Variants in ARHGEF12 observed in about 807,000 individuals in gnomAD.
ARHGEF12 encodes KMT2A/ARHGEF12 fusion protein.
ARHGEF12 carries 66 observed loss-of-function variants against 211.2 expected under a neutral mutation model. That is an observed-to-expected ratio of 0.31 (90% CI 0.26 to 0.38). The LOEUF (loss-of-function observed/expected upper bound fraction) is 0.38. ARHGEF12 is among the 10% of genes least tolerant of loss of function. ARHGEF12 has a pLI of 1.00. For missense variants in ARHGEF12, 1,429 were observed against 1,869.5 expected (o/e 0.76, Z 4.34); for synonymous variants, 592 against 638.4 (o/e 0.93, Z 1.09).
intron 1 of ARHGEF12, among the ~76,000 whole-genome samples, chr11:120,398,313 G>A (rs1287781013): frequency 6.6e-6 from 1 of 152,316 alleles, no homozygotes; most frequent in African/African-American, 2.4e-5. Context: ...CTGAGATGTT[G>A]TAAGAGGAAT....
chr11:120,472,438 T>C (rs897362401), intron 30 of ARHGEF12, among the ~76,000 whole-genome samples: 2 of 152,162 alleles, frequency 1.3e-5, no homozygotes, highest in African/African-American at 2.4e-5. Flanking sequence ...CTTTTTATTT[T>C]TTGCCTTATA....
intron 23 of ARHGEF12, 136 bp downstream of exon 23, chr11:120,457,386 A>G: frequency 9.7e-7 from 1 of 1,028,192 alleles, no homozygotes; most frequent in Non-Finnish European, 1.3e-6. Flanking sequence ...GCTACTTGGG[A>G]GGCTGAGGCA....
At chr11:120,455,439 T>C (rs1946333755) in intron 22 of ARHGEF12, among the ~76,000 whole-genome samples, 1 of 152,190 alleles carries the variant, frequency 6.6e-6, no homozygotes, top group Admixed American at 6.5e-5. Context: ...CCTTCAACTT[T>C]CTGAAGGAAA....
At chr11:120,441,335 C>T (rs1405900938) in intron 13 of ARHGEF12, among the ~76,000 whole-genome samples, 1 of 152,150 alleles carries the variant, frequency 6.6e-6, no homozygotes, top group Non-Finnish European at 1.5e-5. Context: ...ACCATTTCTG[C>T]AATTAGCCCA....
chr11:120,457,351 A>G (rs1233973212), intron 23 of ARHGEF12, 101 bp downstream of exon 23: 13 of 1,382,444 alleles, frequency 9.4e-6, no homozygotes, highest in South Asian at 5.7e-5. Flanking sequence ...GAAGCCTGGC[A>G]TGGTGGTATG....
intron 1 of ARHGEF12, among the ~76,000 whole-genome samples, chr11:120,369,899 T>C (rs1217028628): frequency 6.6e-6 from 1 of 152,192 alleles, no homozygotes; most frequent in Non-Finnish European, 1.5e-5. Context: ...GAGGCTCCCC[T>C]GGGTATTTTC....
chr11:120,367,352 C>CTTTTTTTTTTT (rs1458579899), intron 1 of ARHGEF12, among the ~76,000 whole-genome samples: 1 of 82,058 alleles, frequency 1.2e-5, no homozygotes, highest in Non-Finnish European at 2.2e-5. Flanking sequence ...GATACTTTTT[C>CTTTTTTTTTTT]CTTTTTTTTT....
At chr11:120,383,470 T>C (rs1343780153) in intron 1 of ARHGEF12, among the ~76,000 whole-genome samples, 1 of 152,184 alleles carries the variant, frequency 6.6e-6, no homozygotes, top group Non-Finnish European at 1.5e-5. Flanking sequence ...TAATGTAGAA[T>C]CAGTGGGAAC....
intron 1 of ARHGEF12, among the ~76,000 whole-genome samples, chr11:120,391,251 A>G (rs1454486089): frequency 2.0e-5 from 3 of 152,210 alleles, no homozygotes; most frequent in African/African-American, 2.4e-5. Flanking sequence ...TTCCTTATAT[A>G]CAAGTTCCAC....
At chr11:120,433,675 G>C (rs1012204295) in intron 11 of ARHGEF12, among the ~76,000 whole-genome samples, 3 of 152,140 alleles carry the variant, frequency 2.0e-5, no homozygotes, top group African/African-American at 7.2e-5. Context: ...TGAATTGTTG[G>C]CTGGGCGCCG....
intron 5 of ARHGEF12, among the ~76,000 whole-genome samples, chr11:120,421,109 C>G (rs1241428085): frequency 6.6e-6 from 1 of 152,030 alleles, no homozygotes; most frequent in Non-Finnish European, 1.5e-5. Flanking sequence ...ACTTTATTGT[C>G]CACACAAAAG....
At chr11:120,404,616 T>G (rs1324217956) in intron 1 of ARHGEF12, among the ~76,000 whole-genome samples, 1 of 152,018 alleles carries the variant, frequency 6.6e-6, no homozygotes, top group Non-Finnish European at 1.5e-5. Flanking sequence ...AGGAAACGGG[T>G]TTACAATCAG....
At position 120,477,587 on chromosome 11, in the gene ARHGEF12, G is replaced by T. The variant is rs116572009; in HGVS notation, c.3532+61G>T. 5.4e-6 allele frequency: 8 copies of T among 1,487,066 alleles called. No homozygotes were observed. The Admixed American group carries it at 1.1e-4, about 20-fold the overall frequency. The allele number at this position is 1,487,066 out of a possible 1,614,324, so 92.1% of individuals were successfully genotyped here. On this transcript the variant is annotated intron_variant, in intron 36 of 40. Transcript: ENST00000397843. ...TCTATTATCTGTTAAAATGCTGGCC[G>T]GATGTGGTGGCTCATGCCTGTAATC...
At chr11:120,406,292 A>G in intron 2 of ARHGEF12, 151 bp downstream of exon 2, 1 of 520,866 alleles carries the variant, frequency 1.9e-6, no homozygotes, top group Non-Finnish European at 3.2e-6. Context: ...TTAAAATGTA[A>G]AAGATGTTAC....
intron 29 of ARHGEF12, 138 bp downstream of exon 29, chr11:120,467,446 T>C (rs922320475): frequency 1.4e-5 from 8 of 561,804 alleles, no homozygotes; most frequent in South Asian, 2.6e-5. Flanking sequence ...TTTTTTTTTT[T>C]TTTTTTCCTT....
intron 1 of ARHGEF12, among the ~76,000 whole-genome samples, chr11:120,358,931 G>A (rs1199677199): frequency 6.6e-6 from 1 of 152,122 alleles, no homozygotes; most frequent in Non-Finnish European, 1.5e-5. Context: ...ACTGCACCTG[G>A]TGGGTCCATT....
chr11:120,341,928 A>G (rs1942548785), intron 1 of ARHGEF12, among the ~76,000 whole-genome samples: 1 of 152,210 alleles, frequency 6.6e-6, no homozygotes, highest in Non-Finnish European at 1.5e-5. Context: ...CATGTAGGTA[A>G]TGATATCCTG....
chr11:120,454,839 G>T (rs11217874), intron 22 of ARHGEF12, among the ~76,000 whole-genome samples: 5 of 152,012 alleles, frequency 3.3e-5, no homozygotes, highest in Non-Finnish European at 5.9e-5. Flanking sequence ...AAAAGAGAGC[G>T]AAAAGGAAGC....
In ARHGEF12 at chr11:120,474,726, C is replaced by T. The variant is rs1050837359; in HGVS notation, c.3109+91C>T. 37 of 966,190 alleles carry T rather than the reference C, an allele frequency of 3.8e-5. 1 individual carries two copies. The Admixed American group carries it at 9.0e-4, about 23-fold the overall frequency. The allele number at this position is 966,190 out of a possible 1,614,324, so 59.9% of individuals were successfully genotyped here. ...TATGACAAAGGGAAGAGGAGAGAAC[C>T]ATTCTCTCAGCAGTTTGCAGTGCTA... On this transcript the variant is annotated intron_variant, in intron 32 of 40. Coordinates refer to ENST00000397843, the MANE Select transcript of ARHGEF12 (RefSeq NM_015313.3).
Sources: allele counts gnomAD v4.1 joint callset (sites outside exome capture counted in the v4.1 genomes callset), GRCh38; gene constraint gnomAD v4.1.1; transcripts MANE v1.5; gene names NCBI Gene and HGNC (gene_info 2026-07-23, HGNC 2026-07-21).